SUGT1: variants seen among roughly 807,000 people sequenced by gnomAD.
SUGT1 encodes protein SGT1 homolog.
A neutral mutation model predicts 56.1 loss-of-function variants in SUGT1; 15 were observed. The observed-to-expected ratio is 0.27, with a 90% CI of 0.18 to 0.41. The LOEUF is 0.41. Among genes scored for constraint, SUGT1 ranks in the 10% least tolerant of loss-of-function variants. The pLI, the probability that SUGT1 is intolerant of heterozygous loss-of-function variation, is 1.00. For synonymous variants in SUGT1, 123 were observed against 128.6 expected, an observed-to-expected ratio of 0.96 and a Z score of 0.30; for missense variants, 347 against 382.2, an observed-to-expected ratio of 0.91 and a Z score of 0.77.
intron 11 of SUGT1, among the ~76,000 whole-genome samples, chr13:52,678,787 T>TG (rs1963252729): frequency 2.0e-5 from 3 of 151,578 alleles, no homozygotes; most frequent in African/African-American, 7.3e-5. Context: ...CAAGCAGTCC[T>TG]CTACCCCAAC....
chr13:52,666,233 A>G (rs1238506455), intron 9 of SUGT1, among the ~76,000 whole-genome samples: 1 of 149,350 alleles, frequency 6.7e-6, no homozygotes, highest in African/African-American at 2.4e-5. Flanking sequence ...CTACAGGCAC[A>G]TGCCACCGTG....
intron 7 of SUGT1, 110 bp downstream of exon 7, chr13:52,663,222 A>T (rs1962545693): frequency 1.7e-6 from 2 of 1,144,620 alleles, no homozygotes; most frequent in Non-Finnish European, 2.5e-6. Context: ...ATATTAAGCA[A>T]TTCCATTTAA....
Position 52,659,237 on chromosome 13 carries a change from CA to C in SUGT1, c.321del (p.Lys107AsnfsTer2). The C allele has an allele frequency of 1.4e-6, 2 of 1,478,130 alleles. No individual in the cohort carries two copies. The highest frequency in any genetic ancestry group is 1.8e-6 in the Non-Finnish European group (2 of 1,117,962). The allele number at this position is 1,478,130 out of a possible 1,614,324, so 91.6% of individuals were successfully genotyped here. The part of the protein sequence containing the change: ...AAALETFTEG[Q>X]KLDSADANFS... Reference sequence around the variant, plus strand: ...TGCCCTAGAAACTTTTACAGAAGGACAAAAATTAGATAGTAAGTATTAAAAA... The same window carrying C: ...TGCCCTAGAAACTTTTACAGAAGGACAAAATTAGATAGTAAGTATTAAAAA... On this transcript the variant is annotated frameshift_variant, in exon 5 of 13. Transcript: ENST00000310528. LOFTEE classifies it high-confidence loss of function.
chr13:52,679,969 C>G lies in SUGT1; in HGVS notation c.719-5C>G, dbSNP rs41292826. On this transcript the variant is annotated splice_polypyrimidine_tract_variant and splice_region_variant and intron_variant, in intron 11 of 12. Transcript: ENST00000310528. ...TAATTACTTCTGCCTTTTTTTACTT[C>G]ATAGATGTAAAGAACCTATATCCAT... 7.6e-4 allele frequency: 1,193 copies of G among 1,576,654 alleles called. 2 individuals are homozygous for G. The highest frequency in any genetic ancestry group is 1.5e-3 in the Middle Eastern group (9 of 5,834).
chr13:52,652,855 G>T lies in SUGT1; in HGVS notation c.-66G>T, dbSNP rs1023167422. On this transcript the variant is annotated 5_prime_UTR_variant, in exon 1 of 13. Coordinates refer to ENST00000310528, the MANE Select transcript of SUGT1 (RefSeq NM_006704.5). ...GTGTTTCTCCAGAAGTTTCCCCCTT[G>T]GGCGGTGGTGGAGGTGGTAACCGTG... The T allele has an allele frequency of 5.7e-6, 9 of 1,581,320 alleles. No individual in the cohort carries two copies. Among genetic ancestry groups the T allele is most frequent in the Non-Finnish European group, 7.7e-6 (9 of 1,162,212 alleles).
At chr13:52,680,213 A>G (rs1739268794) in intron 12 of SUGT1, 58 bp downstream of exon 12, 1 of 1,500,256 alleles carries the variant, frequency 6.7e-7, no homozygotes, top group Non-Finnish European at 8.9e-7. Context: ...ATTTTAAACG[A>G]GAAAATTGGT....
chr13:52,680,231 G>A, intron 12 of SUGT1, 76 bp downstream of exon 12: 1 of 1,402,472 alleles, frequency 7.1e-7, no homozygotes, highest in Non-Finnish European at 9.6e-7. Flanking sequence ...GGTAATGTGA[G>A]ACCAAATTGC....
rs1566209694 is a variant in SUGT1 at position 52,697,373 on chromosome 13, C to T, written c.*9538C>T. ...AAGTTTACTTTCTAACTAGGTTAGCCCTCCATTCATACAAAATTATGAGCC... is the reference window on the plus strand; with the variant it reads ...AAGTTTACTTTCTAACTAGGTTAGCTCTCCATTCATACAAAATTATGAGCC... On this transcript the variant is annotated 3_prime_UTR_variant, in exon 13 of 13. Transcript: ENST00000310528. The T allele has an allele frequency of 6.6e-6, 1 of 152,120 alleles. No individual in the cohort carries two copies. Among genetic ancestry groups the T allele is most frequent in the South Asian group, 2.1e-4 (1 of 4,826 alleles). The allele number at this position is 152,120 out of a possible 1,614,324, so 9.4% of individuals were successfully genotyped here. A position where few individuals can be genotyped will look rare whatever the true frequency, so the allele number is the denominator to read the frequency against.
chr13:52,666,565 A>G (rs1962711986), intron 9 of SUGT1, among the ~76,000 whole-genome samples: 1 of 152,176 alleles, frequency 6.6e-6, no homozygotes, highest in Admixed American at 6.5e-5. Context: ...ATATATGACA[A>G]ATATTATGAA....
At chr13:52,662,263 C>A (rs1344851057) in intron 5 of SUGT1, among the ~76,000 whole-genome samples, 1 of 152,140 alleles carries the variant, frequency 6.6e-6, no homozygotes, top group African/African-American at 2.4e-5. Context: ...ACTCAGCTCC[C>A]AGTTACCAAG....
chr13:52,665,368 C>T (rs1315665403), intron 8 of SUGT1, among the ~76,000 whole-genome samples: 1 of 152,144 alleles, frequency 6.6e-6, no homozygotes, highest in South Asian at 2.1e-4. Context: ...TTAAGCACAA[C>T]AGTGCTAGAG....
At chr13:52,664,772 G>A (rs74088610) in intron 8 of SUGT1, among the ~76,000 whole-genome samples, 1,849 of 152,284 alleles carry the variant, frequency 0.012, 35 homozygotes, top group African/African-American at 0.043. Context: ...ACTTTGACTT[G>A]CCCTGGTGGC....
chr13:52,688,093 C>G lies in SUGT1; in HGVS notation c.*258C>G. The stretch of plus-strand genomic sequence containing the variant: ...CATGTCATTTGCTCCTAGATAGATT[C>G]ATTCTATCTAGTTGTGGGGATGGAG... On this transcript the variant is annotated 3_prime_UTR_variant, in exon 13 of 13. Transcript: ENST00000310528. 1 of 223,708 alleles carries G rather than the reference C, an allele frequency of 4.5e-6. No individual in the cohort carries two copies. Among genetic ancestry groups the G allele is most frequent in the African/African-American group, 2.3e-5 (1 of 43,848 alleles). 13.9% of individuals were successfully genotyped at this position (223,708 alleles called of 1,614,324 possible). A position where few individuals can be genotyped will look rare whatever the true frequency, so the allele number is the denominator to read the frequency against.
intron 5 of SUGT1, chr13:52,661,712 TTAAAA>T (rs1253885117): frequency 1.0e-5 from 3 of 294,740 alleles, no homozygotes; most frequent in South Asian, 2.6e-5. Flanking sequence ...TACTGATTAC[TTAAAA>T]TAATAGGTTA....
rs1963791533 is a variant in SUGT1 at position 52,691,977 on chromosome 13, T to C, written c.*4142T>C. The C allele has an allele frequency of 6.6e-6, 1 of 152,214 alleles. No individual in the cohort carries two copies. The highest frequency in any genetic ancestry group is 2.4e-5 in the African/African-American group (1 of 41,456). 9.4% of individuals were successfully genotyped at this position (152,214 alleles called of 1,614,324 possible). On this transcript the variant is annotated 3_prime_UTR_variant, in exon 13 of 13. Coordinates refer to ENST00000310528, the MANE Select transcript of SUGT1 (RefSeq NM_006704.5). The stretch of plus-strand genomic sequence containing the variant: ...AAATGTTACTATTTGGAGCCATCCT[T>C]GTGATTGGTTTCTGAGATTAATTTA...
chr13:52,653,983 A>C (rs549093598), intron 2 of SUGT1, among the ~76,000 whole-genome samples: 14 of 152,358 alleles, frequency 9.2e-5, no homozygotes, highest in Non-Finnish European at 1.5e-4. Context: ...ATTTGAAGGA[A>C]CAAGGGAATT....
Position 52,700,661 on chromosome 13 carries a change from C to T in SUGT1, c.*12826C>T, listed in dbSNP as rs1431583069. 3 of 152,158 alleles carry T rather than the reference C, an allele frequency of 2.0e-5. No homozygotes were observed. The highest frequency in any genetic ancestry group is 2.9e-5 in the Non-Finnish European group (2 of 68,026). The allele number at this position is 152,158 out of a possible 1,614,324, so 9.4% of individuals were successfully genotyped here. A position where few individuals can be genotyped will look rare whatever the true frequency, so the allele number is the denominator to read the frequency against. ...GTATCATTAACTCTCAAATTTACATCTTCATGTTTGAGATACGCTTTTAGG... is the reference window on the plus strand; with the variant it reads ...GTATCATTAACTCTCAAATTTACATTTTCATGTTTGAGATACGCTTTTAGG... On this transcript the variant is annotated 3_prime_UTR_variant, in exon 13 of 13. Coordinates refer to ENST00000310528, the MANE Select transcript of SUGT1 (RefSeq NM_006704.5).
intron 2 of SUGT1, among the ~76,000 whole-genome samples, chr13:52,655,080 T>C (rs1334762668): frequency 2.0e-5 from 3 of 152,192 alleles, no homozygotes; most frequent in Non-Finnish European, 4.4e-5. Flanking sequence ...GCGCGGTGGC[T>C]CACGCCTATA....
In SUGT1 at chr13:52,664,011, T is replaced by C. The variant is rs762739661; in HGVS notation, c.400-24T>C. 4 of 1,612,044 alleles carry C rather than the reference T, an allele frequency of 2.5e-6. No individual in the cohort carries two copies. The African/African-American group carries it at 5.3e-5, about 21-fold the overall frequency. On this transcript the variant is annotated intron_variant, in intron 7 of 12. Transcript: ENST00000310528. ...TTGTAAAAATCTTTCTCTTTCAACT[T>C]ACCAAAATCAATCTGCATCCCAGTG...
Sources: gnomAD v4.1 joint callset for allele counts (sites outside exome capture counted in the v4.1 genomes callset) on GRCh38, gnomAD v4.1.1 for gene constraint, MANE v1.5 for transcripts, NCBI Gene and HGNC (gene_info 2026-07-23, HGNC 2026-07-21) for gene names.